The following GAB1 variants were observed in gnomAD, a reference collection of about 807,000 sequenced individuals.
The protein encoded by GAB1 is GRB2 associated binding protein 1.
In GAB1, 19 loss-of-function variants were observed where a neutral mutation model predicts 66.5. The ratio of observed to expected loss-of-function variants is 0.29; its 90% CI spans 0.20 to 0.42. The LOEUF is 0.42. Ranked by LOEUF, GAB1 falls within the 10% of genes least tolerant of loss-of-function variation. The probability of loss-of-function intolerance (pLI) is 1.00; values close to 1 mark genes in which losing one functional copy is unlikely to be tolerated. For synonymous variants in GAB1, 294 were observed against 301.4 expected, an observed-to-expected ratio of 0.98 and a Z score of 0.25; for missense variants, 732 against 858.5, an observed-to-expected ratio of 0.85 and a Z score of 1.84.
At chr4:143,389,840 T>C (rs1731099852) in intron 1 of GAB1, among the ~76,000 whole-genome samples, 1 of 152,202 alleles carries the variant, frequency 6.6e-6, no homozygotes, top group African/African-American at 2.4e-5. Context: ...AATGATTTTT[T>C]AAAGATGTAA....
chr4:143,417,279 G>A (rs899646805), intron 2 of GAB1, among the ~76,000 whole-genome samples: 1 of 152,096 alleles, frequency 6.6e-6, no homozygotes, highest in Non-Finnish European at 1.5e-5. Context: ...AAAGGCCCAG[G>A]GACAGTTGCT....
intron 6 of GAB1, among the ~76,000 whole-genome samples, chr4:143,441,400 T>A (rs776935015): frequency 2.6e-5 from 4 of 152,260 alleles, no homozygotes; most frequent in Non-Finnish European, 5.9e-5. Context: ...TAAGACCACA[T>A]AATGTTGGCA....
chr4:143,453,976 T>C (rs893121977), intron 6 of GAB1, among the ~76,000 whole-genome samples: 2 of 152,230 alleles, frequency 1.3e-5, no homozygotes, highest in African/African-American at 2.4e-5. Flanking sequence ...GGCATTTCTC[T>C]GGGCAGTCTT....
intron 1 of GAB1, among the ~76,000 whole-genome samples, chr4:143,400,901 A>C (rs1731734221): frequency 6.6e-6 from 1 of 151,618 alleles, no homozygotes; most frequent in African/African-American, 2.4e-5. Context: ...CCTGGGAGGC[A>C]GAGGTTGCAG....
In GAB1 at chr4:143,388,483, C is replaced by T. The variant is rs576249969; in HGVS notation, c.73-26994C>T. 1.1e-4 allele frequency among the ~76,000 whole-genome samples: 17 copies of T among 152,280 alleles called. No homozygotes were observed. The South Asian group carries it at 2.7e-3, about 24-fold the overall frequency. ...AGGCTGGAGAGCAGTAGAGCGATCT[C>T]GGCTCACTGCAACCTCCACCTCCCA... On this transcript the variant is annotated intron_variant, in intron 1 of 9. Coordinates refer to ENST00000262994, the MANE Select transcript of GAB1 (RefSeq NM_002039.4).
intron 6 of GAB1, among the ~76,000 whole-genome samples, chr4:143,452,856 T>C (rs1465885028): frequency 6.6e-6 from 1 of 152,230 alleles, no homozygotes; most frequent in African/African-American, 2.4e-5. Context: ...CAGGCTCACA[T>C]GAGTTCTCTA....
chr4:143,367,719 G>GTTTTTT (rs71588248), intron 1 of GAB1, among the ~76,000 whole-genome samples: 12 of 94,658 alleles, frequency 1.3e-4, no homozygotes, highest in South Asian at 4.4e-4. Flanking sequence ...TCAGATGAGG[G>GTTTTTT]TTTTTTTTTT....
chr4:143,383,820 A>T (rs1578631957), intron 1 of GAB1, among the ~76,000 whole-genome samples: 2 of 152,318 alleles, frequency 1.3e-5, no homozygotes, highest in South Asian at 4.1e-4. Flanking sequence ...CACACCTGTA[A>T]TTCTGACACT....
intron 2 of GAB1, 111 bp from the exon 3 acceptor site, chr4:143,433,380 C>A: frequency 1.4e-6 from 1 of 724,996 alleles, no homozygotes; most frequent in South Asian, 1.7e-5. Context: ...CTGACATTGT[C>A]ATGATTTATT....
rs760691937 is a variant in GAB1, at chr4:143,415,445, A to G, written c.73-32A>G. Reference sequence around the variant, plus strand: ...TTCTTGAAAACATTATCTCAAGTTAATACTGAATGGATATTTTTGTTTTGT... The same window carrying G: ...TTCTTGAAAACATTATCTCAAGTTAGTACTGAATGGATATTTTTGTTTTGT... On this transcript the variant is annotated intron_variant, in intron 1 of 9. Transcript: ENST00000262994. The G allele has an allele frequency of 2.0e-6, 3 of 1,524,642 alleles. No homozygotes were observed. The East Asian group carries it at 6.8e-5, about 35-fold the overall frequency. 94.4% of individuals were successfully genotyped at this position (1,524,642 alleles called of 1,614,324 possible). A position where few individuals can be genotyped will look rare whatever the true frequency, so the allele number is the denominator to read the frequency against.
intron 1 of GAB1, among the ~76,000 whole-genome samples, chr4:143,360,583 C>T (rs1249542080): frequency 6.6e-6 from 1 of 152,118 alleles, no homozygotes; most frequent in Non-Finnish European, 1.5e-5. Flanking sequence ...GCAAAACAAA[C>T]TCTTTTTCCT....
chr4:143,464,708 A>G (rs1468207643), intron 8 of GAB1, among the ~76,000 whole-genome samples: 2 of 152,248 alleles, frequency 1.3e-5, no homozygotes, highest in African/African-American at 2.4e-5. Context: ...GCAGTCGCCC[A>G]CAGCACAGAG....
At chr4:143,449,552 C>T (rs1439381676) in intron 6 of GAB1, among the ~76,000 whole-genome samples, 1 of 152,152 alleles carries the variant, frequency 6.6e-6, no homozygotes, top group Non-Finnish European at 1.5e-5. Flanking sequence ...TAATGGCCTT[C>T]TTTGTCTCTT....
At chr4:143,370,214 G>T (rs945382573) in intron 1 of GAB1, among the ~76,000 whole-genome samples, 1 of 152,222 alleles carries the variant, frequency 6.6e-6, no homozygotes, top group Non-Finnish European at 1.5e-5. Flanking sequence ...ACGTGAGGAA[G>T]AAAGAGGAGG....
intron 2 of GAB1, among the ~76,000 whole-genome samples, chr4:143,422,845 G>A (rs915282186): frequency 4.6e-5 from 7 of 152,154 alleles, no homozygotes; most frequent in African/African-American, 1.4e-4. Flanking sequence ...GCCTTTAATG[G>A]ATGTTAATTA....
intron 1 of GAB1, among the ~76,000 whole-genome samples, chr4:143,346,639 G>A (rs1446062309): frequency 6.6e-6 from 1 of 152,184 alleles, no homozygotes; most frequent in Non-Finnish European, 1.5e-5. Context: ...TTCAGCTAGG[G>A]AGGTATTTTT....
intron 1 of GAB1, among the ~76,000 whole-genome samples, chr4:143,393,444 G>C (rs993713788): frequency 6.6e-6 from 1 of 152,148 alleles, no homozygotes; most frequent in Non-Finnish European, 1.5e-5. Context: ...GTATGACCTA[G>C]TCAAGTTACT....
At chr4:143,366,860 T>G (rs768986920) in intron 1 of GAB1, among the ~76,000 whole-genome samples, 3 of 152,044 alleles carry the variant, frequency 2.0e-5, no homozygotes, top group Non-Finnish European at 4.4e-5. Context: ...CTCAAGACCC[T>G]CCATAATTTC....
intron 1 of GAB1, among the ~76,000 whole-genome samples, chr4:143,352,471 G>T (rs1242194150): frequency 6.6e-6 from 1 of 152,210 alleles, no homozygotes; most frequent in Non-Finnish European, 1.5e-5. Flanking sequence ...ATGATCTTAA[G>T]ATACTTATAG....
Sources: allele counts gnomAD v4.1 joint callset (sites outside exome capture counted in the v4.1 genomes callset), GRCh38; gene constraint gnomAD v4.1.1; transcripts MANE v1.5; gene names NCBI Gene and HGNC (gene_info 2026-07-23, HGNC 2026-07-21).